ZFP90: variants seen among roughly 807,000 people sequenced by gnomAD.
The protein encoded by ZFP90 is ZFP90 zinc finger protein.
ZFP90 carries 38 observed loss-of-function variants against 60.8 expected under a neutral mutation model. The ratio of observed to expected loss-of-function variants is 0.62; its 90% CI spans 0.48 to 0.82. ZFP90 has a LOEUF of 0.82. Ranked by LOEUF, ZFP90 falls within the 40% of genes least tolerant of loss-of-function variation. The pLI is 0.00. For synonymous variants in ZFP90, 287 were observed against 264.8 expected (o/e 1.08, Z -0.82); for missense variants, 711 against 759.1 (o/e 0.94, Z 0.74).
chr16:68,539,352 T>TGGGCAGCCCCTCC lies in ZFP90; in HGVS notation c.-161_-149dup, dbSNP rs1184871272. The stretch of plus-strand genomic sequence containing the variant: ...GACCCCGGTGCGGCTGAGGCCCCTT[T>TGGGCAGCCCCTCC]GGGCAGCCCCTCCGCAGATCAGAAT... On this transcript the variant is annotated 5_prime_UTR_variant, in exon 1 of 5. Transcript: ENST00000563169. The TGGGCAGCCCCTCC allele has an allele frequency of 1.1e-4, 21 of 195,470 alleles. No individual in the cohort carries two copies. Among genetic ancestry groups the TGGGCAGCCCCTCC allele is most frequent in the Non-Finnish European group, 1.9e-4 (18 of 96,860 alleles). 12.1% of individuals were successfully genotyped at this position (195,470 alleles called of 1,614,324 possible).
rs773878552 is a variant in ZFP90 at position 68,564,661 on chromosome 16, C to A, written c.1874C>A (p.Thr625Asn). 4 of 1,612,888 alleles carry A rather than the reference C, an allele frequency of 2.5e-6. No individual in the cohort carries two copies. Among genetic ancestry groups the A allele is most frequent in the Admixed American group, 3.3e-5 (2 of 59,758 alleles). ...GKNFSRSSALTKHQRIHTRNK... is the reference protein window; with the variant it reads ...GKNFSRSSALNKHQRIHTRNK... The stretch of plus-strand genomic sequence containing the variant: ...AACTTCAGCCGAAGTTCAGCTCTTA[C>A]TAAACACCAGAGAATTCATACTCGA... Residue 625 changes from threonine to asparagine, a missense_variant, in exon 5 of 5, where the codon ACT (threonine) becomes AAT (asparagine). Coordinates refer to ENST00000563169, the MANE Select transcript of ZFP90 (RefSeq NM_001305203.2).
Position 68,563,167 on chromosome 16 carries a change from T to C in ZFP90, c.380T>C (p.Leu127Ser). 1 of 1,614,116 alleles carries C rather than the reference T, an allele frequency of 6.2e-7. No individual in the cohort carries two copies. The highest frequency in any genetic ancestry group is 8.5e-7 in the Non-Finnish European group (1 of 1,180,004). ...LEDSWDVSSQLDRQQENWKRH... is the reference protein window; with the variant it reads ...LEDSWDVSSQSDRQQENWKRH... ...GACTCCTGGGATGTTAGCAGCCAGT[T>C]AGACAGGCAACAGGAAAACTGGAAG... is the stretch of plus-strand genomic sequence containing the variant. The change falls in exon 5 of 5, where the codon TTA becomes TCA. Residue 127 changes from leucine (L) to serine (S), a missense_variant. Around this residue, in one of 5 missense-constraint regions of ZFP90, gnomAD observed 241 missense variants for 247.6 expected, o/e 0.97. Coordinates refer to ENST00000563169, the MANE Select transcript of ZFP90 (RefSeq NM_001305203.2).
chr16:68,558,463 C>T lies in ZFP90; in HGVS notation c.161-10C>T. 6.2e-7 allele frequency: 1 copy of T among 1,612,592 alleles called. No homozygotes were observed. Among genetic ancestry groups the T allele is most frequent in the Non-Finnish European group, 8.5e-7 (1 of 1,178,870 alleles). On this transcript the variant is annotated splice_polypyrimidine_tract_variant and intron_variant, in intron 3 of 4. Coordinates refer to ENST00000563169, the MANE Select transcript of ZFP90 (RefSeq NM_001305203.2). ...AAACAACCAAATCTTGTGTATTTAC[C>T]CATGAGCAGGATATCAAGTTTCCAA...
rs1008156269 is a variant in ZFP90 at position 68,566,162 on chromosome 16, T to C, written c.*1464T>C. 5.1e-6 allele frequency: 5 copies of C among 985,356 alleles called. No homozygotes were observed. In the Admixed American group the frequency reaches 3.1e-4, roughly 61 times the overall value. 61.0% of individuals were successfully genotyped at this position (985,356 alleles called of 1,614,324 possible). On this transcript the variant is annotated 3_prime_UTR_variant, in exon 5 of 5. Coordinates refer to ENST00000563169, the MANE Select transcript of ZFP90 (RefSeq NM_001305203.2). ...ATTTATTTTAGTTGTATAATGCTTT[T>C]CTATTAGTAAAGCATCAGCTAAGCT... is the stretch of plus-strand genomic sequence containing the variant.
exon 3 of ZFP90, chr16:68,575,796 G>C (rs2091591497): frequency 2.5e-6 from 1 of 398,230 alleles, no homozygotes; most frequent in African/African-American, 2.1e-5. Flanking sequence ...CCTAGGATTT[G>C]TCTGCCTCCT....
chr16:68,546,891 T>C (rs1335252915), intron 2 of ZFP90, among the ~76,000 whole-genome samples: 2 of 152,240 alleles, frequency 1.3e-5, no homozygotes, highest in East Asian at 3.8e-4. Flanking sequence ...AGTCGTAGCA[T>C]ATATCAGAAC....
Position 68,566,819 on chromosome 16 carries a change from A to G in ZFP90, c.*2121A>G. On this transcript the variant is annotated 3_prime_UTR_variant, in exon 5 of 5. Transcript: ENST00000563169. ...ATAGTGGACTACTTTCAGGAATGGC[A>G]TGAATTGTAACCAACTGAGTGCTGC... 1 of 985,596 alleles carries G rather than the reference A, an allele frequency of 1.0e-6. No individual in the cohort carries two copies. The highest frequency in any genetic ancestry group is 1.2e-6 in the Non-Finnish European group (1 of 829,954). The allele number at this position is 985,596 out of a possible 1,614,324, so 61.1% of individuals were successfully genotyped here. A position where few individuals can be genotyped will look rare whatever the true frequency, so the allele number is the denominator to read the frequency against.
upstream of ZFP90, among the ~76,000 whole-genome samples, chr16:68,536,130 C>A: frequency 6.6e-6 from 1 of 152,194 alleles, no homozygotes; most frequent in Non-Finnish European, 1.5e-5. Context: ...GCTCTCCTTA[C>A]AAACAGCGTT....
At chr16:68,542,611 A>G (rs2091071853) in intron 2 of ZFP90, among the ~76,000 whole-genome samples, 3 of 152,050 alleles carry the variant, frequency 2.0e-5, no homozygotes, top group African/African-American at 7.2e-5. Context: ...ACCCCAAAAA[A>G]CAAAAGGGAG....
In ZFP90 at chr16:68,563,050, A is replaced by G. The variant is rs1409843390; in HGVS notation, c.263A>G (p.Lys88Arg). 3.7e-6 allele frequency: 6 copies of G among 1,614,040 alleles called. No homozygotes were observed. The highest frequency in any genetic ancestry group is 5.1e-6 in the Non-Finnish European group (6 of 1,180,034). Residue 88 changes from lysine to arginine, a missense_variant, in exon 5 of 5, where the codon AAG becomes AGG. Physicochemically the swap from Lys to Arg is conservative, Grantham distance 26. Around this residue, in one of 5 missense-constraint regions of ZFP90, gnomAD observed 241 missense variants for 247.6 expected, o/e 0.97. Coordinates refer to ENST00000563169, the MANE Select transcript of ZFP90 (RefSeq NM_001305203.2). ...EIQRPFYPDW[K>R]TRPEVKSSHL... ...TACTTTGGATTTCTTTCAGACTGGA[A>G]GACCAGGCCTGAAGTCAAATCATCA...
intron 2 of ZFP90, among the ~76,000 whole-genome samples, chr16:68,544,446 GAGGGAAGTTTTAT>G (rs2152057625): frequency 6.6e-6 from 1 of 152,260 alleles, no homozygotes; most frequent in Non-Finnish European, 1.5e-5. Context: ...AAAGAGAAAT[GAGGGAAGTTTTAT>G]AAGGAAAATG....
chr16:68,539,761 C>T lies in ZFP90; in HGVS notation c.-32C>T. 6.4e-7 allele frequency: 1 copy of T among 1,566,738 alleles called. No homozygotes were observed. The highest frequency in any genetic ancestry group is 8.6e-7 in the Non-Finnish European group (1 of 1,156,508). ...GGGCCCTGTCCTTTCTCCCCAGCTC[C>T]TGCCCCGGAGCCGGGCCCTGGCGAG... On this transcript the variant is annotated 5_prime_UTR_variant, in exon 2 of 5. Coordinates refer to ENST00000563169, the MANE Select transcript of ZFP90 (RefSeq NM_001305203.2).
At chr16:68,574,926 CA>C (rs10658760) in intron 2 of ZFP90, among the ~76,000 whole-genome samples, 64 of 103,578 alleles carry the variant, frequency 6.2e-4, no homozygotes, top group South Asian at 3.4e-3. Context: ...GACCCTGTCT[CA>C]AAAAAAAAAA....
In ZFP90 at chr16:68,564,053, C is replaced by G; in HGVS notation, c.1266C>G (p.Tyr422Ter). Reference sequence around the variant, plus strand: ...GGATTCATAAGAGAGGCAAACCTTACCAAAGCAGTAACTACAGCATAGATT... The same window carrying G: ...GGATTCATAAGAGAGGCAAACCTTAGCAAAGCAGTAACTACAGCATAGATT... ...HMRIHKRGKPYQSSNYSIDFK... is the reference protein window; with the variant it reads ...HMRIHKRGKP Residue 422 changes from tyrosine (Y) to a stop codon, truncating the protein, a stop_gained, in exon 5 of 5, where the codon TAC becomes TAG. Transcript: ENST00000563169. LOFTEE classifies it high-confidence loss of function. The G allele has an allele frequency of 6.2e-7, 1 of 1,614,070 alleles. No individual in the cohort carries two copies. The highest frequency in any genetic ancestry group is 8.5e-7 in the Non-Finnish European group (1 of 1,180,012).
chr16:68,558,368 C>T, intron 3 of ZFP90, 105 bp from the exon 4 acceptor site: 1 of 1,212,428 alleles, frequency 8.2e-7, no homozygotes, highest in Non-Finnish European at 1.2e-6. Context: ...CCTTTTTTTT[C>T]CTTCAGAGTT....
At chr16:68,571,063 C>A (rs148127760), downstream of ZFP90, among the ~76,000 whole-genome samples, 1 of 152,272 alleles carries the variant, frequency 6.6e-6, no homozygotes, top group Non-Finnish European at 1.5e-5. Context: ...GAAGGTAGAT[C>A]TTCACACCAC....
downstream of ZFP90, among the ~76,000 whole-genome samples, chr16:68,568,358 A>G (rs189744967): frequency 2.2e-4 from 33 of 152,390 alleles, no homozygotes; most frequent in Non-Finnish European, 4.4e-4. Context: ...GCAAAATAAA[A>G]CAATGTAATA....
upstream of ZFP90, among the ~76,000 whole-genome samples, chr16:68,536,729 G>A (rs1355735281): frequency 1.3e-5 from 2 of 152,152 alleles, no homozygotes; most frequent in African/African-American, 4.8e-5. Context: ...AGACCTGAGA[G>A]GTTCTCACCC....
chr16:68,569,642 T>G (rs2091556727), downstream of ZFP90, among the ~76,000 whole-genome samples: 2 of 152,134 alleles, frequency 1.3e-5, no homozygotes, highest in Non-Finnish European at 2.9e-5. Context: ...TGACTCACAC[T>G]TTTAATCTCA....
Sources: allele counts gnomAD v4.1 joint callset (sites outside exome capture counted in the v4.1 genomes callset), GRCh38; gene constraint gnomAD v4.1.1; regional missense constraint gnomAD v4.1.1; transcripts MANE v1.5; gene names NCBI Gene and HGNC (gene_info 2026-07-23, HGNC 2026-07-21).